The following TRIM14 variants were observed in gnomAD, a reference collection of about 807,000 sequenced individuals.
TRIM14 encodes tripartite motif containing 14, also known as tripartite motif-containing protein 14.
Under a neutral mutation model 44.5 loss-of-function variants are expected in TRIM14, and 28 were observed. The ratio of observed to expected loss-of-function variants is 0.63; its 90% CI spans 0.47 to 0.86. The LOEUF (loss-of-function observed/expected upper bound fraction) is 0.86, where lower values mean the gene tolerates loss of function less well. Among genes scored for constraint, TRIM14 ranks in the 40% least tolerant of loss-of-function variants. The pLI is 0.00. For missense variants in TRIM14, 607 were observed against 611.1 expected (o/e 0.99, Z 0.07); for synonymous variants, 299 against 269.2 (o/e 1.11, Z -1.08).
downstream of TRIM14, among the ~76,000 whole-genome samples, chr9:98,064,561 C>G (rs1184719879): frequency 1.3e-5 from 2 of 152,098 alleles, no homozygotes; most frequent in African/African-American, 2.4e-5. Context: ...CGCCCTAATT[C>G]CCTACTTTTG....
chr9:98,071,398 T>C (rs367908927), intron 6 of TRIM14, among the ~76,000 whole-genome samples: 297 of 152,374 alleles, frequency 1.9e-3, no homozygotes, highest in African/African-American at 6.9e-3. Flanking sequence ...CCTGTTATTT[T>C]TGGTATATCC....
At chr9:98,043,094 CT>C in the TRIM14 span, among the ~76,000 whole-genome samples, 2 of 151,952 alleles carry the variant, frequency 1.3e-5, no homozygotes, top group East Asian at 1.9e-4. Context: ...CATAAGACCT[CT>C]TTTTTTCCCC....
the TRIM14 span, among the ~76,000 whole-genome samples, chr9:98,051,651 A>G: frequency 1.3e-5 from 2 of 152,170 alleles, no homozygotes; most frequent in African/African-American, 4.8e-5. Flanking sequence ...TCTTTAACCC[A>G]TGATGTGGGT....
chr9:98,097,617 C>T (rs983978252), intron 3 of TRIM14, among the ~76,000 whole-genome samples: 1 of 152,160 alleles, frequency 6.6e-6, no homozygotes, highest in Non-Finnish European at 1.5e-5. Flanking sequence ...GAGCAAGTCC[C>T]CCACCCAACT....
chr9:98,102,442 A>C (rs569577830), intron 2 of TRIM14, among the ~76,000 whole-genome samples: 75 of 152,252 alleles, frequency 4.9e-4, no homozygotes, highest in Admixed American at 9.8e-4. Flanking sequence ...TGGGATATGT[A>C]TATCGGTTCA....
chr9:98,080,926 C>G (rs1231673268), downstream of TRIM14: 1 of 1,614,230 alleles, frequency 6.2e-7, no homozygotes. Context: ...TGGAACGTCA[C>G]ATAACTTTGG....
intron 5 of TRIM14, among the ~76,000 whole-genome samples, chr9:98,089,663 C>T (rs1019459257): frequency 7.2e-5 from 11 of 152,270 alleles, no homozygotes; most frequent in African/African-American, 2.6e-4. Context: ...CTCTTCCACC[C>T]GGACAGCATC....
the TRIM14 span, among the ~76,000 whole-genome samples, chr9:98,036,628 C>T: frequency 3.3e-5 from 5 of 151,994 alleles, no homozygotes; most frequent in African/African-American, 1.2e-4. Context: ...ATGGAGAAAC[C>T]CCATCTCTAC....
chr9:98,080,967 C>T (rs1173805223), downstream of TRIM14: 2 of 1,614,186 alleles, frequency 1.2e-6, no homozygotes, highest in Non-Finnish European at 1.7e-6. Context: ...GACCACTCGG[C>T]CTCGCTGGAG....
downstream of TRIM14, chr9:98,083,112 TTGAG>T (rs1177347983): frequency 5.2e-6 from 8 of 1,552,876 alleles, no homozygotes; most frequent in Non-Finnish European, 7.0e-6. Flanking sequence ...TCAGGTGTGT[TTGAG>T]TGAGGCGAGG....
intron 1 of TRIM14, among the ~76,000 whole-genome samples, chr9:98,111,734 G>A (rs535094211): frequency 4.7e-4 from 71 of 152,270 alleles, no homozygotes; most frequent in African/African-American, 1.3e-3. Context: ...GAGGTCAGGG[G>A]TTCGAGACAG....
At chr9:98,092,611 C>T in intron 4 of TRIM14, 1 of 222,018 alleles carries the variant, frequency 4.5e-6, no homozygotes, top group Non-Finnish European at 9.8e-6. Context: ...CCTAAAGCTC[C>T]TCCTTACATC....
chr9:98,089,280 G>A (rs1020182491), intron 5 of TRIM14, among the ~76,000 whole-genome samples: 10 of 151,994 alleles, frequency 6.6e-5, no homozygotes, highest in African/African-American at 1.9e-4. Context: ...GGGTTCAAGC[G>A]ATTCTCCTAC....
rs1825780775 is a variant in TRIM14 at position 98,086,508 on chromosome 9, G to C, written c.*962C>G. 1.3e-5 allele frequency: 2 copies of C among 152,218 alleles called. No homozygotes were observed. The highest frequency in any genetic ancestry group is 2.9e-5 in the Non-Finnish European group (2 of 68,080). The allele number at this position is 152,218 out of a possible 1,614,324, so 9.4% of individuals were successfully genotyped here. On this transcript the variant is annotated 3_prime_UTR_variant, in exon 6 of 6. Transcript: ENST00000341469. ...TTCTGGGAACTTTTCAGGGTGGAGA[G>C]AGTATAGGACAAAGCTGCCCTTCCA... is the stretch of plus-strand genomic sequence containing the variant.
At chr9:98,066,468 GAC>G (rs1390127110), downstream of TRIM14, among the ~76,000 whole-genome samples, 3 of 152,096 alleles carry the variant, frequency 2.0e-5, no homozygotes, top group East Asian at 5.8e-4. Flanking sequence ...CAGTTTTATT[GAC>G]ACACCATCCA....
chr9:98,111,778 C>T (rs1423749027), intron 1 of TRIM14, among the ~76,000 whole-genome samples: 1 of 151,728 alleles, frequency 6.6e-6, no homozygotes, highest in African/African-American at 2.4e-5. Flanking sequence ...GTCTCTACTA[C>T]AAATACAAAA....
At chr9:98,093,208 C>T (rs547802979) in intron 4 of TRIM14, among the ~76,000 whole-genome samples, 3 of 152,308 alleles carry the variant, frequency 2.0e-5, no homozygotes, top group South Asian at 2.1e-4. Context: ...TGTGACCCTA[C>T]GTCCACTCCT....
At chr9:98,078,029 G>A in intron 6 of TRIM14, 1 of 1,008,764 alleles carries the variant, frequency 9.9e-7, no homozygotes, top group Non-Finnish European at 1.4e-6. Context: ...CCGAGGGCAG[G>A]AACCCAACAA....
downstream of TRIM14, among the ~76,000 whole-genome samples, chr9:98,066,229 G>A (rs990317733): frequency 2.0e-5 from 3 of 152,164 alleles, no homozygotes; most frequent in Non-Finnish European, 2.9e-5. Context: ...ATATGAAGGC[G>A]GTTTCCAAAG....
Sources: gnomAD v4.1 joint callset for allele counts (sites outside exome capture counted in the v4.1 genomes callset) on GRCh38, gnomAD v4.1.1 for gene constraint, MANE v1.5 for transcripts, NCBI Gene and HGNC (gene_info 2026-07-23, HGNC 2026-07-21) for gene names.